Variants in HPSE2 observed in about 807,000 individuals in gnomAD.
HPSE2 encodes inactive heparanase-2.
A neutral mutation model predicts 60.5 loss-of-function variants in HPSE2; 38 were observed. That is an observed-to-expected ratio of 0.63 (90% CI 0.48 to 0.82). HPSE2 has a LOEUF of 0.82. HPSE2 is among the 40% of genes least tolerant of loss of function. The pLI, the probability that HPSE2 is intolerant of heterozygous loss-of-function variation, is 0.00. For missense variants in HPSE2, 713 were observed against 740.4 expected (o/e 0.96, Z 0.43); for synonymous variants, 295 against 293.2 (o/e 1.01, Z -0.06).
At chr10:99,029,500 G>A (rs1446647406) in intron 3 of HPSE2, among the ~76,000 whole-genome samples, 1 of 152,190 alleles carries the variant, frequency 6.6e-6, no homozygotes, top group African/African-American at 2.4e-5. Flanking sequence ...AGCAAAAGGG[G>A]CAGGGTAAAG....
intron 3 of HPSE2, among the ~76,000 whole-genome samples, chr10:99,058,827 G>A (rs1958171315): frequency 6.6e-6 from 1 of 152,096 alleles, no homozygotes; most frequent in African/African-American, 2.4e-5. Flanking sequence ...ACTTGGAAAT[G>A]GGGGCAAGGG....
chr10:99,125,866 G>A (rs1845143613), intron 3 of HPSE2, among the ~76,000 whole-genome samples: 1 of 152,122 alleles, frequency 6.6e-6, no homozygotes. Context: ...ATCTCTCAAG[G>A]GTCCCTAGAG....
intron 3 of HPSE2, among the ~76,000 whole-genome samples, chr10:98,837,677 A>C (rs995009607): frequency 6.6e-6 from 1 of 151,342 alleles, no homozygotes; most frequent in African/African-American, 2.4e-5. Context: ...GATCGAGACC[A>C]TTCTGCCTAA....
intron 3 of HPSE2, among the ~76,000 whole-genome samples, chr10:98,797,410 C>T (rs1028908802): frequency 2.1e-4 from 32 of 152,068 alleles, no homozygotes; most frequent in Admixed American, 2.0e-3. Flanking sequence ...AACTTGAAGA[C>T]ATGCTATTTG....
chr10:98,496,669 G>C (rs1284675812), intron 9 of HPSE2, among the ~76,000 whole-genome samples: 1 of 152,202 alleles, frequency 6.6e-6, no homozygotes, highest in Non-Finnish European at 1.5e-5. Flanking sequence ...ATAGACCTTA[G>C]AGTTCTAAAA....
intron 5 of HPSE2, among the ~76,000 whole-genome samples, chr10:98,719,693 T>C (rs1175251398): frequency 2.4e-5 from 3 of 123,878 alleles, no homozygotes; most frequent in African/African-American, 1.0e-4. Context: ...CTTGACCAGA[T>C]GTTGCATTAA....
At chr10:98,887,186 A>C (rs1211364507) in intron 3 of HPSE2, among the ~76,000 whole-genome samples, 1 of 152,134 alleles carries the variant, frequency 6.6e-6, no homozygotes. Flanking sequence ...TTTCAGGTCA[A>C]GGCTAAGAAC....
At chr10:98,537,428 G>T (rs886570317) in intron 9 of HPSE2, among the ~76,000 whole-genome samples, 11 of 152,140 alleles carry the variant, frequency 7.2e-5, no homozygotes, top group Non-Finnish European at 5.9e-5. Flanking sequence ...GTTAGAATAA[G>T]AATAGTCATA....
the HPSE2 span, among the ~76,000 whole-genome samples, chr10:99,280,790 T>G: frequency 6.6e-6 from 1 of 152,158 alleles, no homozygotes; most frequent in Non-Finnish European, 1.5e-5. Context: ...AAATCCAGAC[T>G]CCTCCATTTA....
At chr10:99,099,346 T>A (rs920709848) in intron 3 of HPSE2, among the ~76,000 whole-genome samples, 3 of 152,190 alleles carry the variant, frequency 2.0e-5, no homozygotes, top group Non-Finnish European at 2.9e-5. Context: ...GGAGATTATA[T>A]CCCGCACATG....
At chr10:98,881,284 A>T (rs1222202757) in intron 3 of HPSE2, among the ~76,000 whole-genome samples, 1 of 152,028 alleles carries the variant, frequency 6.6e-6, no homozygotes, top group African/African-American at 2.4e-5. Context: ...TTGGTAGATC[A>T]AGTCCAGTCA....
intron 3 of HPSE2, among the ~76,000 whole-genome samples, chr10:99,099,261 G>C (rs1444116135): frequency 2.0e-5 from 3 of 152,224 alleles, no homozygotes; most frequent in African/African-American, 7.2e-5. Context: ...AGCTGTGACA[G>C]ACGGCACCTG....
chr10:99,302,249 C>T, the HPSE2 span, among the ~76,000 whole-genome samples: 1 of 152,092 alleles, frequency 6.6e-6, no homozygotes, highest in Non-Finnish European at 1.5e-5. Context: ...TATATACTGA[C>T]TCTAAATATG....
chr10:98,636,764 A>G (rs528706525), intron 7 of HPSE2, among the ~76,000 whole-genome samples: 17 of 152,198 alleles, frequency 1.1e-4, no homozygotes, highest in Non-Finnish European at 2.5e-4. Context: ...TTCCTTTATG[A>G]CTGGGATTTC....
intron 3 of HPSE2, among the ~76,000 whole-genome samples, chr10:99,135,501 A>T (rs1383787410): frequency 6.6e-6 from 1 of 152,210 alleles, no homozygotes; most frequent in Non-Finnish European, 1.5e-5. Context: ...AAATCATAAC[A>T]AACAGTCTCT....
At chr10:98,470,147 G>GT (rs1193994216) in intron 11 of HPSE2, among the ~76,000 whole-genome samples, 2 of 144,930 alleles carry the variant, frequency 1.4e-5, no homozygotes, top group Non-Finnish European at 3.0e-5. Flanking sequence ...GTTAACACAC[G>GT]TTTTAAACAT....
intron 3 of HPSE2, among the ~76,000 whole-genome samples, chr10:98,936,729 C>A (rs1428439603): frequency 7.0e-6 from 1 of 142,346 alleles, no homozygotes; most frequent in African/African-American, 2.9e-5. Context: ...GCCTGTAATC[C>A]CAGCACTTTG....
At chr10:99,092,543 A>T (rs1843552134) in intron 3 of HPSE2, among the ~76,000 whole-genome samples, 1 of 152,236 alleles carries the variant, frequency 6.6e-6, no homozygotes, top group Admixed American at 6.5e-5. Context: ...GTATTTAGCA[A>T]CAATACTTCC....
At chr10:98,971,721 A>T (rs1589444656) in intron 3 of HPSE2, among the ~76,000 whole-genome samples, 1 of 151,972 alleles carries the variant, frequency 6.6e-6, no homozygotes, top group South Asian at 2.1e-4. Flanking sequence ...GATTGTCACA[A>T]CTCCCCACCA....
Sources: gnomAD v4.1 joint callset for allele counts (sites outside exome capture counted in the v4.1 genomes callset) on GRCh38, gnomAD v4.1.1 for gene constraint, MANE v1.5 for transcripts, NCBI Gene and HGNC (gene_info 2026-07-23, HGNC 2026-07-21) for gene names.